The following ATXN10 variants were observed in gnomAD, a reference collection of about 807,000 sequenced individuals.
ATXN10 encodes ataxin 10.
Under a neutral mutation model 52.9 loss-of-function variants are expected in ATXN10, and 28 were observed. The ratio of observed to expected loss-of-function variants is 0.53; its 90% CI spans 0.39 to 0.73. ATXN10 has a LOEUF of 0.73. Ranked by LOEUF, ATXN10 falls within the 30% of genes least tolerant of loss-of-function variation. The probability of loss-of-function intolerance (pLI) is 0.00; values close to 1 mark genes in which losing one functional copy is unlikely to be tolerated. For missense variants in ATXN10, 565 were observed against 577.0 expected, an observed-to-expected ratio of 0.98 and a Z score of 0.21; for synonymous variants, 226 against 221.5, an observed-to-expected ratio of 1.02 and a Z score of -0.18.
chr22:45,829,227 C>T (rs1401193955), intron 10 of ATXN10, among the ~76,000 whole-genome samples: 1 of 152,112 alleles, frequency 6.6e-6, no homozygotes, highest in Non-Finnish European at 1.5e-5. Context: ...ACTGCCTCAA[C>T]ATAATAAAAG....
intron 3 of ATXN10, among the ~76,000 whole-genome samples, chr22:45,697,936 A>G (rs1435992700): frequency 6.6e-6 from 1 of 152,178 alleles, no homozygotes; most frequent in Non-Finnish European, 1.5e-5. Context: ...GGCCTTTAGC[A>G]TAATGTTTTT....
intron 3 of ATXN10, among the ~76,000 whole-genome samples, chr22:45,694,954 A>AAAAC (rs1569025831): frequency 2.7e-5 from 4 of 150,644 alleles, no homozygotes; most frequent in African/African-American, 9.8e-5. Flanking sequence ...AAAAAAAAAA[A>AAAAC]AAAAAAAAAA....
intron 9 of ATXN10, among the ~76,000 whole-genome samples, chr22:45,801,986 CT>C (rs1287932665): frequency 1.3e-5 from 2 of 152,170 alleles, no homozygotes; most frequent in Non-Finnish European, 1.5e-5. Context: ...GGTCACACAG[CT>C]AACAGGCTCT....
Position 45,690,898 on chromosome 22 carries a change from G to T in ATXN10, c.308+995G>T, listed in dbSNP as rs1601590464. Among the ~76,000 whole-genome samples the T allele has an allele frequency of 1.3e-5, 2 of 152,258 alleles. No individual in the cohort carries two copies. The highest frequency in any genetic ancestry group is 1.3e-4 in the Admixed American group (2 of 15,304). ...AACAGGATGCTCACTTTCCTTCCTG[G>T]ACTTGGATGTAGACAGAGCCTCCAG... On this transcript the variant is annotated intron_variant, in intron 2 of 11. Coordinates refer to ENST00000252934, the MANE Select transcript of ATXN10 (RefSeq NM_013236.4). This position sits in a 1 kb window ranked among gnomAD's most constrained non-coding sequence, Gnocchi z 4.5.
rs755594547 is a variant in ATXN10 at position 45,684,478 on chromosome 22, A to G, written c.117-5234A>G. Among the ~76,000 whole-genome samples the G allele has an allele frequency of 1.5e-3, 226 of 152,114 alleles. 1 individual carries two copies. The highest frequency in any genetic ancestry group is 7.5e-3 in the Admixed American group (115 of 15,268). On this transcript the variant is annotated intron_variant, in intron 1 of 11. Coordinates refer to ENST00000252934, the MANE Select transcript of ATXN10 (RefSeq NM_013236.4). The surrounding 1 kb of genome is among the most constrained non-coding windows in gnomAD (Gnocchi z 4.1). ...GTTAAGAATGGTTTTTTACGTTTCT[A>G]AATGGTTGGGGAGATGATAAAGTTT...
rs1036717445 is a variant in ATXN10 at position 45,843,016 on chromosome 22, C to T, written c.1263C>T (p.Ala421=). 2 of 1,614,014 alleles carry T rather than the reference C, an allele frequency of 1.2e-6. No homozygotes were observed. The highest frequency in any genetic ancestry group is 1.3e-5 in the African/African-American group (1 of 74,906). The change falls in exon 11 of 12, where the codon GCC becomes GCT. Residue 421 remains alanine (A), a synonymous_variant. Coordinates refer to ENST00000252934, the MANE Select transcript of ATXN10 (RefSeq NM_013236.4). The surrounding 1 kb of genome is among the most constrained non-coding windows in gnomAD (Gnocchi z 4.5). ...TTCTGACCCAGTGGGTGATATATGC[C>T]ATCCGAAACCTTACCGAAGACAACA... ...NPFLTQWVIY[A]IRNLTEDNSQ...
chr22:45,742,519 A>G (rs1409959747), intron 9 of ATXN10, among the ~76,000 whole-genome samples: 2 of 136,284 alleles, frequency 1.5e-5, no homozygotes, highest in Non-Finnish European at 3.1e-5. Context: ...TGAAAAATAC[A>G]GTATCTAAAA....
At position 45,727,819 on chromosome 22, in the gene ATXN10, C is replaced by T. The variant is rs1403362988; in HGVS notation, c.729-1606C>T. On this transcript the variant is annotated intron_variant, in intron 6 of 11. Transcript: ENST00000252934. This position sits in a 1 kb window ranked among gnomAD's most constrained non-coding sequence, Gnocchi z 4.6. ...TATAATATCTTCCTGTTGGATCGAT[C>T]CTTTTATCATCATATAATGACCTTC... Among the ~76,000 whole-genome samples, 1 of 152,012 alleles carries T rather than the reference C, an allele frequency of 6.6e-6. No individual in the cohort carries two copies. The highest frequency in any genetic ancestry group is 1.5e-5 in the Non-Finnish European group (1 of 68,016).
rs145465756 is a variant in ATXN10 at position 45,821,629 on chromosome 22, G to A, written c.1237+14607G>A. ...TCTCTCATCCATCTTAGTACCTCAT[G>A]GTGTCTTATTTCATTGAGGTATAAC... On this transcript the variant is annotated intron_variant, in intron 10 of 11. Transcript: ENST00000252934. Among the ~76,000 whole-genome samples the A allele has an allele frequency of 4.8e-3, 725 of 152,156 alleles. 5 individuals carry two copies. Among genetic ancestry groups the A allele is most frequent in the Middle Eastern group, 0.014 (4 of 294 alleles).
rs958386074 is a variant in ATXN10, at chr22:45,760,475, G to A, written c.1173+19937G>A. ...GTTCTCAAGTAGCTCATGATCTACT[G>A]TGGGAGACAGATGGCTAGATGATAG... On this transcript the variant is annotated intron_variant, in intron 9 of 11. Coordinates refer to ENST00000252934, the MANE Select transcript of ATXN10 (RefSeq NM_013236.4). 6 of 154,180 alleles carry A rather than the reference G, an allele frequency of 3.9e-5. No individual in the cohort carries two copies. In the Admixed American group the frequency reaches 3.9e-4, roughly 10 times the overall value. 9.6% of individuals were successfully genotyped at this position (154,180 alleles called of 1,614,324 possible).
chr22:45,709,623 T>C (rs1390269774), intron 5 of ATXN10, among the ~76,000 whole-genome samples: 1 of 152,192 alleles, frequency 6.6e-6, no homozygotes, highest in Non-Finnish European at 1.5e-5. Flanking sequence ...CCATTATTGC[T>C]CATTCTCTGG....
intron 1 of ATXN10, among the ~76,000 whole-genome samples, chr22:45,680,888 A>G (rs1922894906): frequency 6.6e-6 from 1 of 152,148 alleles, no homozygotes; most frequent in Admixed American, 6.5e-5. Flanking sequence ...TTCTTGATCT[A>G]AATGAAATAT....
chr22:45,774,952 T>C lies in ATXN10; in HGVS notation c.1174-32007T>C, dbSNP rs1265364598. Among the ~76,000 whole-genome samples the C allele has an allele frequency of 6.6e-6, 1 of 152,056 alleles. No individual in the cohort carries two copies. The highest frequency in any genetic ancestry group is 1.5e-5 in the Non-Finnish European group (1 of 67,984). On this transcript the variant is annotated intron_variant, in intron 9 of 11. Coordinates refer to ENST00000252934, the MANE Select transcript of ATXN10 (RefSeq NM_013236.4). The surrounding 1 kb of genome is among the most constrained non-coding windows in gnomAD (Gnocchi z 6.2). ...GAGACTCTGTCTCAAAACAAACAAA[T>C]AAATAAATAAAGGCAGGGGTCGGAG...
rs3903402 is a variant in ATXN10 at position 45,740,738 on chromosome 22, A to G, written c.1173+200A>G. ...CACACACATATATATACACACACAC[A>G]CGTGTGTGTGTGTGTGTATATATAT... On this transcript the variant is annotated intron_variant, in intron 9 of 11. Coordinates refer to ENST00000252934, the MANE Select transcript of ATXN10 (RefSeq NM_013236.4). 9.6e-3 allele frequency: 2,596 copies of G among 270,366 alleles called. 42 individuals are homozygous for G. Among genetic ancestry groups the G allele is most frequent in the African/African-American group, 0.039 (1,126 of 28,852 alleles). The allele number at this position is 270,366 out of a possible 1,614,324, so 16.7% of individuals were successfully genotyped here. A position where few individuals can be genotyped will look rare whatever the true frequency, so the allele number is the denominator to read the frequency against.
chr22:45,752,199 A>G (rs1201559333), intron 9 of ATXN10, among the ~76,000 whole-genome samples: 1 of 152,200 alleles, frequency 6.6e-6, no homozygotes, highest in Non-Finnish European at 1.5e-5. Context: ...TGTGTTTGCC[A>G]TATGCTGTGT....
At position 45,705,640 on chromosome 22, in the gene ATXN10, T is replaced by G. The variant is rs1160502447; in HGVS notation, c.647+2793T>G. 6.6e-6 allele frequency among the ~76,000 whole-genome samples: 1 copy of G among 152,156 alleles called. No individual in the cohort carries two copies. The highest frequency in any genetic ancestry group is 6.5e-5 in the Admixed American group (1 of 15,276). ...TAGTAGAGACGGGGTTTCACCATCT[T>G]GGCCAGGTTGGTATTGAACTCCTAA... On this transcript the variant is annotated intron_variant, in intron 5 of 11. Transcript: ENST00000252934. The surrounding 1 kb of genome is among the most constrained non-coding windows in gnomAD (Gnocchi z 5.2).
chr22:45,721,838 T>A (rs1484343469), intron 6 of ATXN10, among the ~76,000 whole-genome samples: 1 of 152,048 alleles, frequency 6.6e-6, no homozygotes, highest in Non-Finnish European at 1.5e-5. Flanking sequence ...TCACTTTAAC[T>A]TGGGAGGTGG....
chr22:45,788,908 G>A (rs979514388), intron 9 of ATXN10, among the ~76,000 whole-genome samples: 4 of 151,982 alleles, frequency 2.6e-5, no homozygotes, highest in African/African-American at 7.3e-5. Context: ...CTCACCCTCC[G>A]AAAGCACTAG....
In ATXN10 at chr22:45,795,979, G is replaced by A. The variant is rs187146588; in HGVS notation, c.1174-10980G>A. Among the ~76,000 whole-genome samples, 209 of 152,346 alleles carry A rather than the reference G, an allele frequency of 1.4e-3. No individual in the cohort carries two copies. Among genetic ancestry groups the A allele is most frequent in the Non-Finnish European group, 2.2e-3 (147 of 68,038 alleles). On this transcript the variant is annotated intron_variant, in intron 9 of 11. Coordinates refer to ENST00000252934, the MANE Select transcript of ATXN10 (RefSeq NM_013236.4). This position sits in a 1 kb window ranked among gnomAD's most constrained non-coding sequence, Gnocchi z 4.6. ...CCTTGAAAAAGAACTGGGTAACAGCGATTTTCAAGGAACAAGGGAGATAAC... is the reference window on the plus strand; with the variant it reads ...CCTTGAAAAAGAACTGGGTAACAGCAATTTTCAAGGAACAAGGGAGATAAC...
Sources: gnomAD v4.1 joint callset for allele counts (sites outside exome capture counted in the v4.1 genomes callset) on GRCh38, gnomAD v4.1.1 for gene constraint, Gnocchi (gnomAD v3.1) non-coding constraint, MANE v1.5 for transcripts, NCBI Gene and HGNC (gene_info 2026-07-23, HGNC 2026-07-21) for gene names.